CAV3: variants seen among roughly 807,000 people sequenced by gnomAD.
CAV3 encodes caveolin-3.
A neutral mutation model predicts 13.4 loss-of-function variants in CAV3; 10 were observed. The observed-to-expected ratio is 0.75, with a 90% confidence interval of 0.46 to 1.27. The LOEUF (loss-of-function observed/expected upper bound fraction) is 1.27, where lower values mean the gene tolerates loss of function less well. CAV3 is among the 50% of genes most tolerant of loss of function. The pLI, the probability that CAV3 is intolerant of heterozygous loss-of-function variation, is 0.00. For missense variants in CAV3, 162 were observed against 194.0 expected (o/e 0.83, Z 0.98); for synonymous variants, 90 against 79.0 (o/e 1.14, Z -0.74).
intron 1 of CAV3, among the ~76,000 whole-genome samples, chr3:8,742,241 C>A (rs1240789772): frequency 6.6e-6 from 1 of 151,996 alleles, no homozygotes; most frequent in African/African-American, 2.4e-5. Flanking sequence ...CCCAGCCCAG[C>A]CCTCTGAGAG....
At chr3:8,738,387 T>C (rs181678533) in intron 1 of CAV3, among the ~76,000 whole-genome samples, 1 of 152,298 alleles carries the variant, frequency 6.6e-6, no homozygotes, top group African/African-American at 2.4e-5. Flanking sequence ...CTACAAACAC[T>C]TGTTCCAGGT....
Position 8,745,836 on chromosome 3 carries a change from G to A in CAV3, c.425G>A (p.Ser142Asn). The change falls in exon 2 of 2, where the codon AGC becomes AAC. Residue 142 changes from serine to asparagine, a missense_variant. Ser to Asn is a conservative substitution (Grantham distance 46). Transcript: ENST00000343849. This position sits in a 1 kb window ranked among gnomAD's most constrained non-coding sequence, Gnocchi z 4.8. ...LFAALGQVCSSIKVVLRKEV is the reference protein window; with the variant it reads ...LFAALGQVCSNIKVVLRKEV ...GCGGCCCTGGGCCAGGTCTGCAGCA[G>A]CATCAAGGTGGTGCTGCGGAAGGAG... The A allele has an allele frequency of 6.2e-7, 1 of 1,613,370 alleles. No individual in the cohort carries two copies. Among genetic ancestry groups the A allele is most frequent in the Non-Finnish European group, 8.5e-7 (1 of 1,179,884 alleles).
In CAV3 at chr3:8,733,875, CGAT is replaced by C. The variant is rs1270876090; in HGVS notation, c.4_6del (p.Met2?). 1 of 1,592,468 alleles carries C rather than the reference CGAT, an allele frequency of 6.3e-7. No homozygotes were observed. Among genetic ancestry groups the C allele is most frequent in the Non-Finnish European group, 8.6e-7 (1 of 1,160,430 alleles). On this transcript the variant is annotated start_lost and 5_prime_UTR_variant, in exon 1 of 2. Coordinates refer to ENST00000343849, the MANE Select transcript of CAV3 (RefSeq NM_033337.3). Reference sequence around the variant, plus strand: ...CCTCCTGTGGATCCCCCCAGCTCTGCGATGATGGCAGAAGAGCACACAGATCTC... The same window carrying C: ...CCTCCTGTGGATCCCCCCAGCTCTGCGATGGCAGAAGAGCACACAGATCTC...
chr3:8,738,059 C>T (rs1707822969), intron 1 of CAV3, among the ~76,000 whole-genome samples: 2 of 150,840 alleles, frequency 1.3e-5, no homozygotes, highest in African/African-American at 4.8e-5. Context: ...TCTCTCTCCT[C>T]TCTCTCTCTT....
At chr3:8,734,536 T>C (rs895280529) in intron 1 of CAV3, among the ~76,000 whole-genome samples, 5 of 152,012 alleles carry the variant, frequency 3.3e-5, no homozygotes, top group Non-Finnish European at 7.4e-5. Flanking sequence ...ACCCCAGGTC[T>C]AGTGGCCAGG....
chr3:8,734,715 G>A (rs1232943373), intron 1 of CAV3, among the ~76,000 whole-genome samples: 1 of 152,130 alleles, frequency 6.6e-6, no homozygotes, highest in Non-Finnish European at 1.5e-5. Flanking sequence ...CCAGTACCCA[G>A]AGGGATCTTT....
chr3:8,744,980 C>T (rs1400930079), intron 1 of CAV3: 1 of 155,506 alleles, frequency 6.4e-6, no homozygotes, highest in Admixed American at 6.2e-5. Context: ...AGTCGGAATC[C>T]CTGGGGCGAT....
intron 1 of CAV3, among the ~76,000 whole-genome samples, chr3:8,744,445 A>ATTTTTTTTTTTTT (rs141816229): frequency 2.9e-4 from 32 of 111,382 alleles, no homozygotes; most frequent in Middle Eastern, 5.7e-3. Flanking sequence ...TACCCGGCTA[A>ATTTTTTTTTTTTT]TTTTTTTTTT....
chr3:8,736,369 T>C (rs555380705), intron 1 of CAV3, among the ~76,000 whole-genome samples: 2 of 152,326 alleles, frequency 1.3e-5, no homozygotes, highest in African/African-American at 2.4e-5. Flanking sequence ...TGAAAGTGTC[T>C]ATCACAGTCC....
At position 8,745,892 on chromosome 3, in the gene CAV3, C is replaced by T. The variant is rs760529030; in HGVS notation, c.*25C>T. On this transcript the variant is annotated 3_prime_UTR_variant, in exon 2 of 2. Transcript: ENST00000343849. This position sits in a 1 kb window ranked among gnomAD's most constrained non-coding sequence, Gnocchi z 4.8. ...AAGCCAGGTGGGGCAACAGCGGTGG[C>T]AGGGCAGGGGGTGGTGGGCCAGACT... is the stretch of plus-strand genomic sequence containing the variant. 6.3e-6 allele frequency: 10 copies of T among 1,592,040 alleles called. No homozygotes were observed. Among genetic ancestry groups the T allele is most frequent in the Admixed American group, 1.7e-5 (1 of 59,760 alleles).
At chr3:8,736,660 G>A (rs1200963622) in intron 1 of CAV3, among the ~76,000 whole-genome samples, 3 of 152,368 alleles carry the variant, frequency 2.0e-5, no homozygotes, top group African/African-American at 7.2e-5. Flanking sequence ...GACGCAGAGG[G>A]AGCGGCGGGG....
At chr3:8,742,360 C>CAAAAAA (rs36055094) in intron 1 of CAV3, 44 of 242,186 alleles carry the variant, frequency 1.8e-4, no homozygotes, top group Non-Finnish European at 2.3e-4. Context: ...CTGCAAACAC[C>CAAAAAA]AAAAAAAAAA....
At position 8,745,434 on chromosome 3, in the gene CAV3, C is replaced by G; in HGVS notation, c.115-92C>G. The G allele has an allele frequency of 1.0e-6, 1 of 972,088 alleles. No homozygotes were observed. Among genetic ancestry groups the G allele is most frequent in the Non-Finnish European group, 1.6e-6 (1 of 610,408 alleles). The allele number at this position is 972,088 out of a possible 1,614,324, so 60.2% of individuals were successfully genotyped here. On this transcript the variant is annotated intron_variant, in intron 1 of 1. Coordinates refer to ENST00000343849, the MANE Select transcript of CAV3 (RefSeq NM_033337.3). The surrounding 1 kb of genome is among the most constrained non-coding windows in gnomAD (Gnocchi z 4.8). ...CCAGCCACCAAGGTTAACCTGACCT[C>G]TAGGGGATTCTGACACATGCACGCA... is the stretch of plus-strand genomic sequence containing the variant.
At position 8,745,837 on chromosome 3, in the gene CAV3, C is replaced by A. The variant is rs1418074799; in HGVS notation, c.426C>A (p.Ser142Arg). The A allele has an allele frequency of 2.5e-6, 4 of 1,613,394 alleles. No individual in the cohort carries two copies. The highest frequency in any genetic ancestry group is 3.4e-6 in the Non-Finnish European group (4 of 1,179,882). ...LFAALGQVCS[S>R]IKVVLRKEV ...CGGCCCTGGGCCAGGTCTGCAGCAG[C>A]ATCAAGGTGGTGCTGCGGAAGGAGG... Residue 142 changes from serine to arginine, a missense_variant, in exon 2 of 2, where the codon AGC becomes AGA. Physicochemically the swap from Ser to Arg is moderately radical, Grantham distance 110. Transcript: ENST00000343849. This position sits in a 1 kb window ranked among gnomAD's most constrained non-coding sequence, Gnocchi z 4.8.
chr3:8,739,811 T>G (rs932653372), intron 1 of CAV3, among the ~76,000 whole-genome samples: 2 of 152,154 alleles, frequency 1.3e-5, no homozygotes, highest in African/African-American at 4.8e-5. Context: ...AACCATTTTT[T>G]TATTTCTCAC....
In CAV3 at chr3:8,745,620, A is replaced by G; in HGVS notation, c.209A>G (p.Tyr70Cys). The G allele has an allele frequency of 6.2e-7, 1 of 1,614,080 alleles. No individual in the cohort carries two copies. The highest frequency in any genetic ancestry group is 8.5e-7 in the Non-Finnish European group (1 of 1,179,992). Residue 70 changes from tyrosine to cysteine, a missense_variant, in exon 2 of 2, where the codon TAC becomes TGC. Physicochemically the swap from Tyr to Cys is radical, Grantham distance 194. Coordinates refer to ENST00000343849, the MANE Select transcript of CAV3 (RefSeq NM_033337.3). The surrounding 1 kb of genome is among the most constrained non-coding windows in gnomAD (Gnocchi z 4.8). ...VSYTTFTVSK[Y>C]WCYRLLSTLL... ...TACACCACCTTCACTGTCTCCAAGTACTGGTGCTACCGTCTGTTGTCCACG... is the reference window on the plus strand; with the variant it reads ...TACACCACCTTCACTGTCTCCAAGTGCTGGTGCTACCGTCTGTTGTCCACG...
rs878854385 is a variant in CAV3 at position 8,745,791 on chromosome 3, C to A, written c.380C>A (p.Thr127Asn). The A allele has an allele frequency of 6.2e-7, 1 of 1,614,046 alleles. No homozygotes were observed. The highest frequency in any genetic ancestry group is 8.5e-7 in the Non-Finnish European group (1 of 1,180,032). The change falls in exon 2 of 2, where the codon ACC becomes AAC. Residue 127 changes from threonine to asparagine, a missense_variant. Coordinates refer to ENST00000343849, the MANE Select transcript of CAV3 (RefSeq NM_033337.3). This position sits in a 1 kb window ranked among gnomAD's most constrained non-coding sequence, Gnocchi z 4.8. ...ISHIYSLCIR[T>N]FCNPLFAALG... is the part of the protein sequence containing the mutation. Reference sequence around the variant, plus strand: ...CACATCTACTCACTCTGCATCCGCACCTTCTGCAACCCACTCTTCGCGGCC... The same window carrying A: ...CACATCTACTCACTCTGCATCCGCAACTTCTGCAACCCACTCTTCGCGGCC...
In CAV3 at chr3:8,746,177, G is replaced by A. The variant is rs548206386; in HGVS notation, c.*310G>A. The A allele has an allele frequency of 7.3e-5, 21 of 286,990 alleles. No individual in the cohort carries two copies. The highest frequency in any genetic ancestry group is 1.1e-4 in the Non-Finnish European group (17 of 150,736). 17.8% of individuals were successfully genotyped at this position (286,990 alleles called of 1,614,324 possible). On this transcript the variant is annotated 3_prime_UTR_variant, in exon 2 of 2. Coordinates refer to ENST00000343849, the MANE Select transcript of CAV3 (RefSeq NM_033337.3). ...GTACTGTAACAACATAAACCAGCAC[G>A]CGGTTCCCACCCGGGGCCAACCTCT...
intron 1 of CAV3, among the ~76,000 whole-genome samples, chr3:8,734,644 C>A (rs1255449245): frequency 6.6e-6 from 1 of 152,240 alleles, no homozygotes; most frequent in South Asian, 2.1e-4. Context: ...TCTTCCCTCG[C>A]CTCCTGGTGA....
Sources: gnomAD v4.1 joint callset for allele counts (sites outside exome capture counted in the v4.1 genomes callset) on GRCh38, gnomAD v4.1.1 for gene constraint, Gnocchi (gnomAD v3.1) non-coding constraint, MANE v1.5 for transcripts, NCBI Gene and HGNC (gene_info 2026-07-23, HGNC 2026-07-21) for gene names.